TWIST2: variants seen among roughly 807,000 people sequenced by gnomAD.
TWIST2 encodes the protein twist family bHLH transcription factor 2.
TWIST2 carries 1 observed loss-of-function variant against 11.6 expected under a neutral mutation model. The observed-to-expected ratio is 0.09, with a 90% CI of 0.03 to 0.41. TWIST2 has a LOEUF of 0.41. TWIST2 is among the 10% of genes least tolerant of loss of function. The pLI is 0.98. For missense variants in TWIST2, 168 were observed against 226.4 expected, an observed-to-expected ratio of 0.74 and a Z score of 1.66; for synonymous variants, 87 against 96.6, an observed-to-expected ratio of 0.90 and a Z score of 0.58.
chr2:238,853,448 GGAGA>G (rs375821278), intron 1 of TWIST2, among the ~76,000 whole-genome samples: 350 of 130,688 alleles, frequency 2.7e-3, no homozygotes, highest in Middle Eastern at 4.3e-3. Flanking sequence ...AGGGAGAGAT[GGAGA>G]GAGAGAGAGA....
chr2:238,848,287 G>A lies in TWIST2; in HGVS notation c.72G>A (p.Arg24=). ...SLGTSEEELE[R]QPKRFGRKRR... ...GCACCAGCGAGGAGGAGCTCGAGAG[G>A]CAGCCCAAGCGCTTCGGCCGGAAGC... Residue 24 remains arginine, a synonymous_variant, in exon 1 of 2, where the codon AGG becomes AGA. Coordinates refer to ENST00000612363, the MANE Select transcript of TWIST2 (RefSeq NM_001271893.4). 6.5e-7 allele frequency: 1 copy of A among 1,531,224 alleles called. No homozygotes were observed. The highest frequency in any genetic ancestry group is 8.7e-7 in the Non-Finnish European group (1 of 1,143,698). 94.9% of individuals were successfully genotyped at this position (1,531,224 alleles called of 1,614,324 possible).
intron 1 of TWIST2, among the ~76,000 whole-genome samples, chr2:238,893,621 T>G (rs1359453878): frequency 6.6e-5 from 10 of 152,166 alleles, no homozygotes; most frequent in African/African-American, 2.4e-4. Flanking sequence ...GTGCTCAGGC[T>G]CAGAACCTGG....
chr2:238,893,603 G>A (rs1441954086), intron 1 of TWIST2, among the ~76,000 whole-genome samples: 2 of 152,158 alleles, frequency 1.3e-5, no homozygotes, highest in African/African-American at 2.4e-5. Flanking sequence ...GCCTCTCAAA[G>A]CCTCCGTGTG....
intron 1 of TWIST2, among the ~76,000 whole-genome samples, chr2:238,849,247 A>C (rs149142491): frequency 0.81 from 123,780 of 152,132 alleles, 50,816 homozygotes; most frequent in Non-Finnish European, 0.88. Flanking sequence ...ACTCAGATCT[A>C]CCCAGCTGCT....
At chr2:238,896,120 C>T (rs1054875943) in intron 1 of TWIST2, among the ~76,000 whole-genome samples, 17 of 152,114 alleles carry the variant, frequency 1.1e-4, no homozygotes, top group African/African-American at 2.2e-4. Context: ...GCAGGCAAGC[C>T]GGGGTCAGAG....
intron 1 of TWIST2, among the ~76,000 whole-genome samples, chr2:238,870,544 C>T (rs1359194812): frequency 7.7e-6 from 1 of 129,792 alleles, no homozygotes; most frequent in Admixed American, 7.6e-5. Context: ...CTACATACCC[C>T]ACACACCCCA....
chr2:238,862,732 G>A (rs951031168), intron 1 of TWIST2, among the ~76,000 whole-genome samples: 2 of 152,188 alleles, frequency 1.3e-5, no homozygotes, highest in Non-Finnish European at 2.9e-5. Flanking sequence ...CAGAGCTGCC[G>A]AGCAACAAAG....
intron 1 of TWIST2, among the ~76,000 whole-genome samples, chr2:238,907,962 A>G (rs984218230): frequency 6.1e-4 from 91 of 150,240 alleles, no homozygotes; most frequent in Admixed American, 2.1e-3. Context: ...ACACAAACAT[A>G]CCACACACTA....
chr2:238,901,791 C>A (rs1218592890), intron 1 of TWIST2, among the ~76,000 whole-genome samples: 1 of 152,086 alleles, frequency 6.6e-6, no homozygotes, highest in South Asian at 2.1e-4. Flanking sequence ...CAGGACCCAT[C>A]GAGACCCATG....
At chr2:238,896,221 C>A (rs1280804714) in intron 1 of TWIST2, among the ~76,000 whole-genome samples, 2 of 152,196 alleles carry the variant, frequency 1.3e-5, no homozygotes, top group African/African-American at 4.8e-5. Context: ...ACCCTCCAGA[C>A]CCTGACGGCG....
chr2:238,873,965 C>T (rs1468823414), intron 1 of TWIST2, among the ~76,000 whole-genome samples: 1 of 152,098 alleles, frequency 6.6e-6, no homozygotes, highest in Non-Finnish European at 1.5e-5. Flanking sequence ...ACTTGCTGAT[C>T]CATGTTCCAT....
chr2:238,895,968 A>G (rs1397980680), intron 1 of TWIST2, among the ~76,000 whole-genome samples: 1 of 152,158 alleles, frequency 6.6e-6, no homozygotes, highest in African/African-American at 2.4e-5. Flanking sequence ...AAGCTGAGGG[A>G]GAGAGACAGC....
At chr2:238,900,902 T>G (rs1401910224) in intron 1 of TWIST2, among the ~76,000 whole-genome samples, 1 of 152,132 alleles carries the variant, frequency 6.6e-6, no homozygotes, top group African/African-American at 2.4e-5. Flanking sequence ...CCTGATAACC[T>G]GAAGATAATC....
intron 1 of TWIST2, among the ~76,000 whole-genome samples, chr2:238,854,789 A>G (rs1341752370): frequency 6.6e-6 from 1 of 152,160 alleles, no homozygotes; most frequent in Non-Finnish European, 1.5e-5. Context: ...ACAACCTCCT[A>G]AAGGAAAGCA....
intron 1 of TWIST2, among the ~76,000 whole-genome samples, chr2:238,872,831 C>T (rs550550853): frequency 1.2e-4 from 18 of 152,304 alleles, no homozygotes; most frequent in Non-Finnish European, 2.4e-4. Flanking sequence ...GCACACGCTC[C>T]GCAGATGGTT....
At position 238,907,831 on chromosome 2, in the gene TWIST2, A is replaced by G. The variant is rs1693379984; in HGVS notation, c.*36-2011A>G. Among the ~76,000 whole-genome samples the G allele has an allele frequency of 1.3e-4, 2 of 15,784 alleles. 1 individual carries two copies. Among genetic ancestry groups the G allele is most frequent in the South Asian group, 7.9e-3 (2 of 252 alleles). The allele number at this position is 15,784 out of a possible 152,430, so 10.4% of individuals were successfully genotyped here. A position where few individuals can be genotyped will look rare whatever the true frequency, so the allele number is the denominator to read the frequency against. On this transcript the variant is annotated intron_variant, in intron 1 of 1. Coordinates refer to ENST00000612363, the MANE Select transcript of TWIST2 (RefSeq NM_001271893.4). ...CACGCGCCACACAAATATACCACAC[A>G]CTACACACACACCCCCACACTGTAC... is the stretch of plus-strand genomic sequence containing the variant.
At chr2:238,905,965 G>A (rs1281594596) in intron 1 of TWIST2, among the ~76,000 whole-genome samples, 2 of 135,450 alleles carry the variant, frequency 1.5e-5, no homozygotes, top group Non-Finnish European at 3.1e-5. Flanking sequence ...GTACGTGTGC[G>A]TGTGTGTGCG....
At chr2:238,862,336 T>C (rs1692450206) in intron 1 of TWIST2, among the ~76,000 whole-genome samples, 1 of 152,206 alleles carries the variant, frequency 6.6e-6, no homozygotes, top group African/African-American at 2.4e-5. Context: ...CAATCTGTTT[T>C]GCAATGGGTT....
At chr2:238,888,511 G>A (rs1413036924) in intron 1 of TWIST2, among the ~76,000 whole-genome samples, 5 of 152,154 alleles carry the variant, frequency 3.3e-5, no homozygotes, top group African/African-American at 9.7e-5. Flanking sequence ...TATAAACATC[G>A]ACTTTGACAC....
Sources: allele counts gnomAD v4.1 joint callset (sites outside exome capture counted in the v4.1 genomes callset), GRCh38; gene constraint gnomAD v4.1.1; transcripts MANE v1.5; gene names NCBI Gene and HGNC (gene_info 2026-07-23, HGNC 2026-07-21).